Variants in TATDN1 observed in about 807,000 individuals in gnomAD.
The protein encoded by TATDN1 is deoxyribonuclease TATDN1.
In TATDN1, 40 loss-of-function variants were observed where a neutral mutation model predicts 46.4. The observed-to-expected ratio is 0.86, with a 90% confidence interval of 0.67 to 1.12. The LOEUF (loss-of-function observed/expected upper bound fraction) is 1.12, where lower values mean the gene tolerates loss of function less well. TATDN1 is among the 50% of genes most tolerant of loss of function. TATDN1 has a pLI of 0.00. For synonymous variants in TATDN1, 95 were observed against 105.6 expected (o/e 0.90, Z 0.62); for missense variants, 326 against 348.4 (o/e 0.94, Z 0.51).
intron 1 of TATDN1, among the ~76,000 whole-genome samples, chr8:124,532,549 G>A (rs1395111822): frequency 6.6e-6 from 1 of 152,226 alleles, no homozygotes; most frequent in Non-Finnish European, 1.5e-5. Context: ...TTCCCAAAGT[G>A]CTAGGATTAC....
chr8:124,503,152 T>C (rs1045890559), intron 9 of TATDN1, among the ~76,000 whole-genome samples: 10 of 152,154 alleles, frequency 6.6e-5, no homozygotes, highest in African/African-American at 2.4e-4. Flanking sequence ...TAACCAAAAA[T>C]TCTGAAATAA....
At chr8:124,523,884 C>G (rs1162451890) in intron 1 of TATDN1, among the ~76,000 whole-genome samples, 1 of 151,990 alleles carries the variant, frequency 6.6e-6, no homozygotes, top group Non-Finnish European at 1.5e-5. Context: ...CTGGATGCAA[C>G]AGAAAGCTCT....
intron 11 of TATDN1, among the ~76,000 whole-genome samples, chr8:124,492,116 G>A (rs1438082887): frequency 2.0e-5 from 3 of 151,810 alleles, no homozygotes; most frequent in South Asian, 2.1e-4. Flanking sequence ...CTGGCATTAC[G>A]GGCATCCGCC....
chr8:124,517,209 C>A (rs2131485902), intron 4 of TATDN1, among the ~76,000 whole-genome samples: 1 of 152,276 alleles, frequency 6.6e-6, no homozygotes, highest in South Asian at 2.1e-4. Context: ...CCGGGCAGAT[C>A]ACGAGGTCAG....
Position 124,493,959 on chromosome 8 carries a change from T to C in TATDN1, c.665A>G (p.Asp222Gly), listed in dbSNP as rs762470688. The change falls in exon 11 of 12, where the codon GAT becomes GGT. Residue 222 changes from aspartate to glycine, a missense_variant and splice_region_variant. Coordinates refer to ENST00000276692, the MANE Select transcript of TATDN1 (RefSeq NM_032026.4). ...ACTTTTGACTCCACACCAAGGTGCA[T>C]CTAGTTAAGCAAAGAAAGTGTCTCG... ...IPSEKLMIET[D>G]APWCGVKSTH... The C allele has an allele frequency of 1.2e-6, 2 of 1,604,174 alleles. No individual in the cohort carries two copies. Among genetic ancestry groups the C allele is most frequent in the South Asian group, 2.3e-5 (2 of 88,582 alleles).
intron 9 of TATDN1, among the ~76,000 whole-genome samples, chr8:124,501,439 G>A (rs999930107): frequency 1.4e-4 from 22 of 151,878 alleles, no homozygotes; most frequent in African/African-American, 5.3e-4. Context: ...TAAATAGACA[G>A]TGAAGGACTG....
At chr8:124,501,754 G>A (rs1817986850) in intron 9 of TATDN1, among the ~76,000 whole-genome samples, 2 of 151,878 alleles carry the variant, frequency 1.3e-5, no homozygotes, top group South Asian at 4.1e-4. Flanking sequence ...AAGAACAGAA[G>A]AGAAAAATCA....
intron 9 of TATDN1, among the ~76,000 whole-genome samples, chr8:124,502,814 G>A (rs1311681377): frequency 6.6e-6 from 1 of 152,124 alleles, no homozygotes; most frequent in Non-Finnish European, 1.5e-5. Context: ...AGCCCAGCCT[G>A]GGCACATAGC....
At chr8:124,527,354 G>A (rs1243894235) in intron 1 of TATDN1, among the ~76,000 whole-genome samples, 1 of 152,186 alleles carries the variant, frequency 6.6e-6, no homozygotes, top group East Asian at 1.9e-4. Context: ...ACTAGTCTGT[G>A]ACTGGTGGTC....
chr8:124,500,881 A>G (rs1312115326), intron 9 of TATDN1, among the ~76,000 whole-genome samples: 2 of 152,206 alleles, frequency 1.3e-5, no homozygotes, highest in African/African-American at 2.4e-5. Flanking sequence ...ATAAAAGACC[A>G]GTGTTTAAGT....
At chr8:124,509,002 G>T (rs1477857689) in intron 6 of TATDN1, among the ~76,000 whole-genome samples, 2 of 152,204 alleles carry the variant, frequency 1.3e-5, no homozygotes, top group Non-Finnish European at 2.9e-5. Flanking sequence ...AAGCCCAGGA[G>T]AGCTTCATAC....
intron 8 of TATDN1, among the ~76,000 whole-genome samples, chr8:124,505,019 T>C (rs967713609): frequency 4.7e-5 from 7 of 150,104 alleles, no homozygotes; most frequent in Non-Finnish European, 1.0e-4. Flanking sequence ...CCTCCCAAAA[T>C]GCTGGGATTA....
At chr8:124,518,916 A>T (rs771959747) in intron 3 of TATDN1, 35 bp from the exon 4 acceptor site, 3 of 1,398,626 alleles carry the variant, frequency 2.1e-6, no homozygotes, top group Non-Finnish European at 3.0e-6. Flanking sequence ...AGCTGACTTT[A>T]ATAGGGCAGC....
In TATDN1 at chr8:124,539,026, G is replaced by A. The variant is rs780813116; in HGVS notation, c.21C>T (p.Ile7=). MSRFKF[I]DIGINLTDPM... ...GGGCGTGGAAAACGCTCCTCTTACC[G>A]ATAAACTTGAAGCGACTCATGACTG... Residue 7 remains isoleucine (I), a splice_region_variant and synonymous_variant, in exon 1 of 12, where the codon ATC becomes ATT. Transcript: ENST00000276692. 12 of 1,613,566 alleles carry A rather than the reference G, an allele frequency of 7.4e-6. No homozygotes were observed. The South Asian group carries it at 1.3e-4, about 18-fold the overall frequency.
intron 9 of TATDN1, among the ~76,000 whole-genome samples, chr8:124,496,789 T>A (rs930891800): frequency 6.6e-6 from 1 of 152,194 alleles, no homozygotes; most frequent in East Asian, 1.9e-4. Flanking sequence ...GAATTTAAGA[T>A]ACACATTAAA....
intron 1 of TATDN1, among the ~76,000 whole-genome samples, chr8:124,528,188 T>A (rs1357857913): frequency 6.6e-6 from 1 of 152,128 alleles, no homozygotes. Context: ...TGTCTTTTTT[T>A]TTTGAGATGG....
intron 11 of TATDN1, chr8:124,489,022 C>T: frequency 3.4e-6 from 1 of 291,260 alleles, no homozygotes; most frequent in Non-Finnish European, 6.5e-6. Flanking sequence ...ATAGCATGTT[C>T]ATTAGTGGGT....
At chr8:124,509,640 A>G (rs1157100273) in intron 6 of TATDN1, among the ~76,000 whole-genome samples, 1 of 152,196 alleles carries the variant, frequency 6.6e-6, no homozygotes, top group East Asian at 1.9e-4. Flanking sequence ...CTCTCTTGCT[A>G]TATTTTTCTA....
intron 3 of TATDN1, among the ~76,000 whole-genome samples, chr8:124,520,265 C>T (rs1305731249): frequency 1.3e-5 from 2 of 151,988 alleles, no homozygotes; most frequent in South Asian, 2.1e-4. Context: ...GGCGAAACCC[C>T]GTCTCTACTG....
Sources: allele counts gnomAD v4.1 joint callset (sites outside exome capture counted in the v4.1 genomes callset), GRCh38; gene constraint gnomAD v4.1.1; transcripts MANE v1.5; gene names NCBI Gene and HGNC (gene_info 2026-07-23, HGNC 2026-07-21).